PLCH2: variants seen among roughly 807,000 people sequenced by gnomAD.
The protein encoded by PLCH2 is 1-phosphatidylinositol 4,5-bisphosphate phosphodiesterase eta-2.
Under a neutral mutation model 134.7 loss-of-function variants are expected in PLCH2, and 98 were observed. That is an observed-to-expected ratio of 0.73 (90% CI 0.62 to 0.86). PLCH2 has a LOEUF of 0.86. Ranked by LOEUF, PLCH2 falls within the 40% of genes least tolerant of loss-of-function variation. PLCH2 has a pLI of 0.00. For synonymous variants in PLCH2, 974 were observed against 827.5 expected (o/e 1.18, Z -3.04); for missense variants, 1,994 against 1,986.6 (o/e 1.00, Z -0.07).
At chr1:2,426,277 A>G (rs1638793441) in intron 1 of PLCH2, among the ~76,000 whole-genome samples, 1 of 152,226 alleles carries the variant, frequency 6.6e-6, no homozygotes, top group African/African-American at 2.4e-5. Context: ...CCCCAGGGTT[A>G]TGTGGGCCAC....
chr1:2,498,457 A>T lies in PLCH2; in HGVS notation c.2225-66A>T. On this transcript the variant is annotated intron_variant, in intron 16 of 21. Transcript: ENST00000378486. This position sits in a 1 kb window ranked among gnomAD's most constrained non-coding sequence, Gnocchi z 5.4. ...GCTGGGGAGGGGGCTGTTGGCAGCC[A>T]TGCCCCAGCAAGCAGGGGGCTTGCT... 6.4e-7 allele frequency: 1 copy of T among 1,551,172 alleles called. No homozygotes were observed. Among genetic ancestry groups the T allele is most frequent in the Non-Finnish European group, 8.7e-7 (1 of 1,145,070 alleles).
In PLCH2 at chr1:2,491,231, A is replaced by G. The variant is rs770020596; in HGVS notation, c.1555A>G (p.Arg519Gly). 6.2e-7 allele frequency: 1 copy of G among 1,613,200 alleles called. No homozygotes were observed. Reference protein sequence around the residue: ...NRKRVENTAKRKLDSLIKESK... With the variant: ...NRKRVENTAKGKLDSLIKESK... ...AAAGCGTGTAGAAAACACTGCTAAG[A>G]GGAAACTGGATTCCCTCATCAAAGA... Residue 519 changes from arginine (R) to glycine (G), a missense_variant, in exon 11 of 22, where the codon AGG (arginine) becomes GGG (glycine). Arg to Gly is a moderately radical substitution (Grantham distance 125, BLOSUM62 -2). Around this residue, in one of 2 missense-constraint regions of PLCH2, gnomAD observed 1,094 missense variants for 1,234.3 expected, o/e 0.89. Transcript: ENST00000378486.
At chr1:2,495,004 C>G in intron 12 of PLCH2, 56 bp downstream of exon 12, 1 of 1,185,072 alleles carries the variant, frequency 8.4e-7, no homozygotes, top group East Asian at 2.6e-5. Flanking sequence ...CCTCCCTGCT[C>G]CCAGTGCCCC....
upstream of PLCH2, among the ~76,000 whole-genome samples, chr1:2,474,533 T>C (rs543626920): frequency 6.6e-6 from 1 of 151,516 alleles, no homozygotes; most frequent in East Asian, 2.0e-4. Flanking sequence ...GTGGCTCCTC[T>C]CAGAACCCCT....
At chr1:2,496,541 C>T (rs1045192745) in intron 13 of PLCH2, 66 bp from the exon 14 acceptor site, 2 of 1,349,006 alleles carry the variant, frequency 1.5e-6, no homozygotes, top group Non-Finnish European at 2.1e-6. Flanking sequence ...TGGAGCCCGT[C>T]TCACGGAGCT....
intron 15 of PLCH2, 121 bp downstream of exon 15, chr1:2,497,131 CT>C: frequency 1.0e-6 from 1 of 973,992 alleles, no homozygotes; most frequent in Non-Finnish European, 1.5e-6. Context: ...CTCTATTGCC[CT>C]TGGAGCCTCC....
the PLCH2 span, among the ~76,000 whole-genome samples, chr1:2,416,513 A>G: frequency 1.3e-5 from 2 of 152,098 alleles, no homozygotes; most frequent in African/African-American, 2.4e-5. Context: ...CGTCTGTGGC[A>G]GACCCAGGAC....
In PLCH2 at chr1:2,496,693, T is replaced by TA; in HGVS notation, c.1923dup (p.Glu642ArgfsTer205). The TA allele has an allele frequency of 6.2e-7, 1 of 1,611,876 alleles. No homozygotes were observed. Among genetic ancestry groups the TA allele is most frequent in the Non-Finnish European group, 8.5e-7 (1 of 1,179,378 alleles). On this transcript the variant is annotated frameshift_variant, in exon 14 of 22. Transcript: ENST00000378486. LOFTEE classifies it high-confidence loss of function. ...ACCAAGTCCGTGGCCACCCACGACA[T>TA]AGAGATGGAGGGTGAGTGGCTCGGG...
At chr1:2,472,272 C>T (rs1641360165), upstream of PLCH2, among the ~76,000 whole-genome samples, 1 of 152,224 alleles carries the variant, frequency 6.6e-6, no homozygotes, top group Non-Finnish European at 1.5e-5. Flanking sequence ...GCCCTCCCTC[C>T]CGTGCGGCGC....
upstream of PLCH2, among the ~76,000 whole-genome samples, chr1:2,423,669 G>C (rs1638634159): frequency 6.6e-6 from 1 of 152,184 alleles, no homozygotes; most frequent in African/African-American, 2.4e-5. Flanking sequence ...TGGTGAGTCA[G>C]CTCCTGTGAG....
In PLCH2 at chr1:2,498,700, G is replaced by A; in HGVS notation, c.2350-44G>A. The A allele has an allele frequency of 1.3e-6, 2 of 1,557,458 alleles. No homozygotes were observed. The highest frequency in any genetic ancestry group is 1.7e-6 in the Non-Finnish European group (2 of 1,145,046). ...GGGGTGGGAGTTGGGGGCGGGCCGG[G>A]CATCGCGATGGGCCCTGATGCCACC... is the stretch of plus-strand genomic sequence containing the variant. On this transcript the variant is annotated intron_variant, in intron 17 of 21. Transcript: ENST00000378486. The surrounding 1 kb of genome is among the most constrained non-coding windows in gnomAD (Gnocchi z 5.4).
rs749631382 is a variant in PLCH2, at chr1:2,479,997, G to A, written c.515+20G>A. ...GGACCAATATCCTTGGGCACCTATC[G>A]GGCAATGCAGACCCAGGGACCGGCC... is the stretch of plus-strand genomic sequence containing the variant. On this transcript the variant is annotated intron_variant, in intron 3 of 21. Transcript: ENST00000378486. The A allele has an allele frequency of 1.7e-5, 27 of 1,598,720 alleles. No homozygotes were observed. Among genetic ancestry groups the A allele is most frequent in the East Asian group, 1.1e-4 (5 of 44,498 alleles).
chr1:2,442,283 A>T (rs1291141696), intron 2 of PLCH2, among the ~76,000 whole-genome samples: 2 of 152,124 alleles, frequency 1.3e-5, no homozygotes, highest in Non-Finnish European at 2.9e-5. Context: ...GCCTCTCGTG[A>T]ATCTGTGGGG....
rs1217370861 is a variant in PLCH2 at position 2,439,438 on chromosome 1, C to T, written c.115+8809C>T. ...CCAAGCCAGGGGCAGCTGATCCCAT[C>T]CCACCCGTTCGTTGTCTTGAGTTCT... On this transcript the variant is annotated intron_variant, in intron 2 of 3. Transcript: ENST00000609981. The surrounding 1 kb of genome is among the most constrained non-coding windows in gnomAD (Gnocchi z 4.7). Among the ~76,000 whole-genome samples, 1 of 152,138 alleles carries T rather than the reference C, an allele frequency of 6.6e-6. No homozygotes were observed. Among genetic ancestry groups the T allele is most frequent in the Admixed American group, 6.5e-5 (1 of 15,284 alleles).
At chr1:2,421,551 T>C (rs1338542967), upstream of PLCH2, among the ~76,000 whole-genome samples, 1 of 152,238 alleles carries the variant, frequency 6.6e-6, no homozygotes, top group South Asian at 2.1e-4. Flanking sequence ...GTCTGTCTAG[T>C]GGAAATGCCG....
Position 2,505,306 on chromosome 1 carries a change from ACTGTGTCCCCCTGGCTGCC to A in PLCH2, c.*104_*122del. ...GAAACAGGGCAGCCAGGCCCCCAAAACTGTGTCCCCCTGGCTGCCCTGTGTCCCCTCCACCCCTGCCTCC... is the reference window on the plus strand; with the variant it reads ...GAAACAGGGCAGCCAGGCCCCCAAAACTGTGTCCCCTCCACCCCTGCCTCC... On this transcript the variant is annotated 3_prime_UTR_variant, in exon 22 of 22. Coordinates refer to ENST00000378486, the MANE Select transcript of PLCH2 (RefSeq NM_014638.4). 1 of 969,548 alleles carries A rather than the reference ACTGTGTCCCCCTGGCTGCC, an allele frequency of 1.0e-6. No homozygotes were observed. Among genetic ancestry groups the A allele is most frequent in the South Asian group, 1.6e-5 (1 of 61,754 alleles). The allele number at this position is 969,548 out of a possible 1,614,324, so 60.1% of individuals were successfully genotyped here. A position where few individuals can be genotyped will look rare whatever the true frequency, so the allele number is the denominator to read the frequency against.
At chr1:2,457,134 TG>T (rs1640535680) in intron 2 of PLCH2, among the ~76,000 whole-genome samples, 2 of 152,162 alleles carry the variant, frequency 1.3e-5, no homozygotes, top group African/African-American at 4.8e-5. Flanking sequence ...CCAGCCCTTG[TG>T]CAGGATGGCC....
At position 2,495,565 on chromosome 1, in the gene PLCH2, C is replaced by G. The variant is rs1030348638; in HGVS notation, c.1830C>G (p.Ser610Arg). ...GTCAGGACTCCCCGGGAGGCCAGAG[C>G]CGAGGGTAGGTGCCCTGCCCCACGG... is the stretch of plus-strand genomic sequence containing the variant. ...DEGQDSPGGQ[S>R]RGATRQKKTM... Residue 610 changes from serine (S) to arginine (R), a missense_variant, in exon 13 of 22, where the codon AGC becomes AGG. Physicochemically the swap from Ser to Arg is moderately radical, Grantham distance 110. Transcript: ENST00000378486. The G allele has an allele frequency of 1.3e-6, 2 of 1,546,934 alleles. No homozygotes were observed. The highest frequency in any genetic ancestry group is 2.4e-5 in the East Asian group (1 of 40,856).
chr1:2,476,500 C>T lies in PLCH2; in HGVS notation c.-89C>T, dbSNP rs554611615. 7.3e-4 allele frequency: 946 copies of T among 1,291,448 alleles called. 2 individuals carry two copies. Among genetic ancestry groups the T allele is most frequent in the Non-Finnish European group, 9.1e-4 (887 of 973,804 alleles). 80.0% of individuals were successfully genotyped at this position (1,291,448 alleles called of 1,614,324 possible). A position where few individuals can be genotyped will look rare whatever the true frequency, so the allele number is the denominator to read the frequency against. Reference sequence around the variant, plus strand: ...AGAGAAGGCCCCACGGAGGTCCTGTCGCCAGCGCTGCCACTGCCTGACCTC... The same window carrying T: ...AGAGAAGGCCCCACGGAGGTCCTGTTGCCAGCGCTGCCACTGCCTGACCTC... On this transcript the variant is annotated 5_prime_UTR_variant, in exon 1 of 22. Coordinates refer to ENST00000378486, the MANE Select transcript of PLCH2 (RefSeq NM_014638.4).
Sources: allele counts gnomAD v4.1 joint callset (sites outside exome capture counted in the v4.1 genomes callset), GRCh38; gene constraint gnomAD v4.1.1; regional missense constraint gnomAD v4.1.1; non-coding constraint Gnocchi (gnomAD v3.1); transcripts MANE v1.5; gene names NCBI Gene and HGNC (gene_info 2026-07-23, HGNC 2026-07-21).